Variants in ADCY6 observed in about 807,000 individuals in gnomAD.
ADCY6 encodes adenylate cyclase type 6.
In ADCY6, 59 loss-of-function variants were observed where a neutral mutation model predicts 111.6. The ratio of observed to expected loss-of-function variants is 0.53; its 90% CI spans 0.43 to 0.66. The LOEUF is 0.66. Ranked by LOEUF, ADCY6 falls within the 30% of genes least tolerant of loss-of-function variation. The pLI, the probability that ADCY6 is intolerant of heterozygous loss-of-function variation, is 0.00. For synonymous variants in ADCY6, 576 were observed against 642.9 expected, an observed-to-expected ratio of 0.90 and a Z score of 1.57; for missense variants, 1,242 against 1,595.6, an observed-to-expected ratio of 0.78 and a Z score of 3.78.
chr12:48,774,331 G>A lies in ADCY6; in HGVS notation c.2283+71C>T, dbSNP rs552516350. 155 of 1,434,362 alleles carry A rather than the reference G, an allele frequency of 1.1e-4. No individual in the cohort carries two copies. The African/African-American group carries it at 1.5e-3, about 14-fold the overall frequency. 88.9% of individuals were successfully genotyped at this position (1,434,362 alleles called of 1,614,324 possible). ...GGGCAGAAAATATGTCCTTTTCTCC[G>A]CTGTACTCCCAGTGTCCAGGACAGT... On this transcript the variant is annotated intron_variant, in intron 14 of 21. Transcript: ENST00000357869.
chr12:48,789,748 G>A (rs900712038), upstream of ADCY6: 1 of 151,918 alleles, frequency 6.6e-6, no homozygotes, highest in Non-Finnish European at 1.5e-5. Flanking sequence ...CAGTCTCTGG[G>A]GCAGCGGCCC....
At position 48,787,482 on chromosome 12, in the gene ADCY6, A is replaced by G. The variant is rs560281031; in HGVS notation, c.-5+1424T>C. Among the ~76,000 whole-genome samples, 113 of 151,932 alleles carry G rather than the reference A, an allele frequency of 7.4e-4. 1 individual carries two copies. The highest frequency in any genetic ancestry group is 2.6e-3 in the African/African-American group (109 of 41,430). On this transcript the variant is annotated intron_variant, in intron 1 of 21. Transcript: ENST00000357869. ...CTGCAACCATCCCACCCTGGGCTCC[A>G]CTCCAGGCACTGCCCATCCCGCAGA...
In ADCY6 at chr12:48,777,805, C is replaced by A; in HGVS notation, c.1015-69G>T. 6.3e-7 allele frequency: 1 copy of A among 1,588,200 alleles called. No homozygotes were observed. The highest frequency in any genetic ancestry group is 8.6e-7 in the Non-Finnish European group (1 of 1,167,786). ...CACATTGCAATCCCTCCTGGTCTCT[C>A]CACATCGCCAGAGCCCTCCTAGACT... On this transcript the variant is annotated intron_variant, in intron 3 of 21. Coordinates refer to ENST00000357869, the MANE Select transcript of ADCY6 (RefSeq NM_015270.5). This position sits in a 1 kb window ranked among gnomAD's most constrained non-coding sequence, Gnocchi z 4.9.
intron 16 of ADCY6, 91 bp downstream of exon 16, chr12:48,773,378 C>T (rs1941602680): frequency 1.3e-5 from 19 of 1,436,448 alleles, no homozygotes; most frequent in Non-Finnish European, 1.8e-5. Context: ...CATTCCAAGG[C>T]ACAAGGGGCA....
rs767714299 is a variant in ADCY6 at position 48,776,079 on chromosome 12, CCTT to C, written c.1687_1689del (p.Lys563del). ...GTCCGCTGCAGCTTGGCCAGCATGG[CCTT>C]CTCCTCTTTCTGTGCGGGCAGCATG... On this transcript the variant is annotated inframe_deletion, in exon 9 of 22. Transcript: ENST00000357869. This position sits in a 1 kb window ranked among gnomAD's most constrained non-coding sequence, Gnocchi z 6.1. The C allele has an allele frequency of 6.2e-7, 1 of 1,613,728 alleles. No individual in the cohort carries two copies. Among genetic ancestry groups the C allele is most frequent in the Admixed American group, 1.7e-5 (1 of 59,982 alleles).
intron 20 of ADCY6, 66 bp downstream of exon 20, chr12:48,770,700 C>G: frequency 6.6e-7 from 1 of 1,520,228 alleles, no homozygotes; most frequent in Middle Eastern, 2.3e-4. Flanking sequence ...CCATCCCCAG[C>G]CTATAATCCC....
In ADCY6 at chr12:48,767,739, G is replaced by C. The variant is rs1308979301; in HGVS notation, c.*852C>G. 6.6e-6 allele frequency: 1 copy of C among 152,648 alleles called. No individual in the cohort carries two copies. Among genetic ancestry groups the C allele is most frequent in the East Asian group, 1.9e-4 (1 of 5,180 alleles). The allele number at this position is 152,648 out of a possible 1,614,324, so 9.5% of individuals were successfully genotyped here. On this transcript the variant is annotated 3_prime_UTR_variant, in exon 22 of 22. Coordinates refer to ENST00000357869, the MANE Select transcript of ADCY6 (RefSeq NM_015270.5). ...GAGTGACCTGATCTGGACCCCGACGGGGTCCTCAGATCAGAGTCTGGCACT... is the reference window on the plus strand; with the variant it reads ...GAGTGACCTGATCTGGACCCCGACGCGGTCCTCAGATCAGAGTCTGGCACT...
chr12:48,774,794 G>A lies in ADCY6; in HGVS notation c.2079-16C>T, dbSNP rs1592158217. On this transcript the variant is annotated splice_polypyrimidine_tract_variant and intron_variant, in intron 12 of 21. Transcript: ENST00000357869. ...CAGGGTGGAGCTGGGGCAGAACAGGGCCAGAAAAATCATTTAATTCTGGAA... is the reference window on the plus strand; with the variant it reads ...CAGGGTGGAGCTGGGGCAGAACAGGACCAGAAAAATCATTTAATTCTGGAA... The A allele has an allele frequency of 6.2e-7, 1 of 1,611,754 alleles. No homozygotes were observed.
intron 13 of ADCY6, 48 bp downstream of exon 13, chr12:48,774,643 G>C: frequency 6.3e-7 from 1 of 1,597,060 alleles, no homozygotes; most frequent in Non-Finnish European, 8.6e-7. Flanking sequence ...CTCCCTGTCT[G>C]GAGTCCAGCC....
In ADCY6 at chr12:48,775,342, C is replaced by A; in HGVS notation, c.1941G>T (p.Arg647=). ...IDQLRKDHVR[R]FLLTFQREDL... is the part of the protein sequence containing the mutation. ...CCTCTCTCTGGAAGGTGAGCAGAAA[C>A]CGGCGCACATGGTCCTTCCGCAGCT... is the stretch of plus-strand genomic sequence containing the variant. The change falls in exon 11 of 22, where the codon CGG becomes CGT. Residue 647 remains arginine, a synonymous_variant. Transcript: ENST00000357869. The A allele has an allele frequency of 1.2e-6, 2 of 1,614,080 alleles. No homozygotes were observed. The highest frequency in any genetic ancestry group is 1.7e-6 in the Non-Finnish European group (2 of 1,180,014).
At position 48,782,926 on chromosome 12, in the gene ADCY6, T is replaced by G. The variant is rs1592164714; in HGVS notation, c.509A>C (p.His170Pro). The G allele has an allele frequency of 6.2e-7, 1 of 1,613,386 alleles. No individual in the cohort carries two copies. Among genetic ancestry groups the G allele is most frequent in the African/African-American group, 1.3e-5 (1 of 75,052 alleles). The change falls in exon 2 of 22, where the codon CAC becomes CCC. Residue 170 changes from histidine (H) to proline (P), a missense_variant. Around this residue, in one of 4 missense-constraint regions of ADCY6, gnomAD observed 362 missense variants for 377.2 expected, o/e 0.96. Coordinates refer to ENST00000357869, the MANE Select transcript of ADCY6 (RefSeq NM_015270.5). The surrounding 1 kb of genome is among the most constrained non-coding windows in gnomAD (Gnocchi z 4.3). ...VLLTAVLLAF[H>P]AAPARPQPAY... ...AGGCTGAGGGCGGGCGGGTGCGGCG[T>G]GGAAAGCCAGCAGCACCGCTGTGAG...
intron 20 of ADCY6, among the ~76,000 whole-genome samples, chr12:48,770,156 G>A (rs548048939): frequency 1.1e-4 from 17 of 148,934 alleles, no homozygotes; most frequent in Admixed American, 3.4e-4. Flanking sequence ...TGCCCACCTC[G>A]GCTTCCCAAA....
chr12:48,780,598 C>T (rs1285143425), intron 2 of ADCY6, among the ~76,000 whole-genome samples: 1 of 152,176 alleles, frequency 6.6e-6, no homozygotes, highest in African/African-American at 2.4e-5. Context: ...CAGTCCTGGC[C>T]TCCCTGGGAC....
Position 48,788,979 on chromosome 12 carries a change from C to G in ADCY6, c.-78G>C, listed in dbSNP as rs1023366327. The G allele has an allele frequency of 7.0e-5, 10 of 142,970 alleles. No individual in the cohort carries two copies. Among genetic ancestry groups the G allele is most frequent in the Admixed American group, 1.4e-4 (2 of 14,594 alleles). The allele number at this position is 142,970 out of a possible 1,614,324, so 8.9% of individuals were successfully genotyped here. A position where few individuals can be genotyped will look rare whatever the true frequency, so the allele number is the denominator to read the frequency against. ...CGCGGGCTCCGGCCGGCCGGCCGGC[C>G]GTCCCGCGGTCCTCCGAGCCCGCGC... On this transcript the variant is annotated 5_prime_UTR_variant, in exon 1 of 22. Coordinates refer to ENST00000357869, the MANE Select transcript of ADCY6 (RefSeq NM_015270.5).
Position 48,782,693 on chromosome 12 carries a change from T to C in ADCY6, c.742A>G (p.Ile248Val), listed in dbSNP as rs765207788. The C allele has an allele frequency of 1.6e-5, 26 of 1,592,464 alleles. No individual in the cohort carries two copies. In the Admixed American group the frequency reaches 4.4e-4, roughly 27 times the overall value. Reference sequence around the variant, plus strand: ...CGGATGGGGAGGAGCGTGTAGGCGATGTAGACAAAGAACACAGGGCACCAG... The same window carrying C: ...CGGATGGGGAGGAGCGTGTAGGCGACGTAGACAAAGAACACAGGGCACCAG... ...GLWCPVFFVYIAYTLLPIRMR... is the reference protein window; with the variant it reads ...GLWCPVFFVYVAYTLLPIRMR... The change falls in exon 2 of 22, where the codon ATC becomes GTC. Residue 248 changes from isoleucine (I) to valine (V), a missense_variant. This residue lies in a region of ADCY6 where 362 missense variants were observed against 377.2 expected (regional missense o/e 0.96). Coordinates refer to ENST00000357869, the MANE Select transcript of ADCY6 (RefSeq NM_015270.5). The surrounding 1 kb of genome is among the most constrained non-coding windows in gnomAD (Gnocchi z 4.3).
intron 15 of ADCY6, 102 bp downstream of exon 15, chr12:48,773,837 TG>T: frequency 6.6e-7 from 1 of 1,503,916 alleles, no homozygotes. Context: ...TGGGAGACTC[TG>T]GTGAGTTCCT....
chr12:48,779,056 T>C (rs1251522463), intron 2 of ADCY6, among the ~76,000 whole-genome samples: 3 of 151,482 alleles, frequency 2.0e-5, no homozygotes, highest in Non-Finnish European at 2.9e-5. Flanking sequence ...TTTTGTATAT[T>C]TTTTTAGTAG....
chr12:48,775,051 A>C lies in ADCY6; in HGVS notation c.1984T>G (p.Ser662Ala). The C allele has an allele frequency of 6.4e-7, 1 of 1,554,078 alleles. No homozygotes were observed. Among genetic ancestry groups the C allele is most frequent in the Non-Finnish European group, 8.7e-7 (1 of 1,148,244 alleles). Reference protein sequence around the residue: ...FQREDLEKKYSRKVDPRFGAY... With the variant: ...FQREDLEKKYARKVDPRFGAY... ...CCGAAGCGGGGATCCACCTTCCGGG[A>C]GTACTGAGGGAGAGGAGGCTGAGCT... The change falls in exon 12 of 22, where the codon TCC becomes GCC. Residue 662 changes from serine (S) to alanine (A), a missense_variant. Around this residue, in one of 4 missense-constraint regions of ADCY6, gnomAD observed 375 missense variants for 432.5 expected, o/e 0.87. Coordinates refer to ENST00000357869, the MANE Select transcript of ADCY6 (RefSeq NM_015270.5).
chr12:48,777,310 G>C lies in ADCY6; in HGVS notation c.1249-79C>G. 6.3e-7 allele frequency: 1 copy of C among 1,593,050 alleles called. No homozygotes were observed. Among genetic ancestry groups the C allele is most frequent in the Non-Finnish European group, 8.6e-7 (1 of 1,168,234 alleles). ...GCCTGCATGGCCCACCACCCTCCAC[G>C]CATACTCTATCTGCCCTCAAATCCC... On this transcript the variant is annotated intron_variant, in intron 5 of 21. Coordinates refer to ENST00000357869, the MANE Select transcript of ADCY6 (RefSeq NM_015270.5). The surrounding 1 kb of genome is among the most constrained non-coding windows in gnomAD (Gnocchi z 4.9).
Sources: allele counts gnomAD v4.1 joint callset (sites outside exome capture counted in the v4.1 genomes callset), GRCh38; gene constraint gnomAD v4.1.1; regional missense constraint gnomAD v4.1.1; non-coding constraint Gnocchi (gnomAD v3.1); transcripts MANE v1.5; gene names NCBI Gene and HGNC (gene_info 2026-07-23, HGNC 2026-07-21).